The following NFIB variants were observed in gnomAD, a reference collection of about 807,000 sequenced individuals.
NFIB encodes nuclear factor I B.
Under a neutral mutation model 61.5 loss-of-function variants are expected in NFIB, and 11 were observed. The ratio of observed to expected loss-of-function variants is 0.18; its 90% CI spans 0.11 to 0.30. The LOEUF is 0.30. Ranked by LOEUF, NFIB falls within the 10% of genes least tolerant of loss-of-function variation. The probability of loss-of-function intolerance (pLI) is 1.00; values close to 1 mark genes in which losing one functional copy is unlikely to be tolerated. For synonymous variants in NFIB, 260 were observed against 216.5 expected, an observed-to-expected ratio of 1.20 and a Z score of -1.76; for missense variants, 471 against 608.9, an observed-to-expected ratio of 0.77 and a Z score of 2.38.
chr9:14,408,513 G>A, the NFIB span, among the ~76,000 whole-genome samples: 2 of 152,152 alleles, frequency 1.3e-5, no homozygotes, highest in African/African-American at 4.8e-5. Context: ...CAGAAAAAAA[G>A]GGGACAAAGG....
chr9:14,491,534 C>T, the NFIB span, among the ~76,000 whole-genome samples: 1 of 152,172 alleles, frequency 6.6e-6, no homozygotes, highest in Admixed American at 6.5e-5. Flanking sequence ...ATGGGCCTGA[C>T]CTGAAGCAGC....
intron 2 of NFIB, among the ~76,000 whole-genome samples, chr9:14,306,658 C>T (rs1350092086): frequency 1.3e-5 from 2 of 151,988 alleles, no homozygotes; most frequent in Non-Finnish European, 2.9e-5. Flanking sequence ...AAAATGTAGC[C>T]TACGACAGAA....
At chr9:14,320,573 TAGGA>T (rs2060637221) in intron 1 of NFIB, among the ~76,000 whole-genome samples, 1 of 152,222 alleles carries the variant, frequency 6.6e-6, no homozygotes, top group South Asian at 2.1e-4. Context: ...AGTTTTTACT[TAGGA>T]TGCTTAAAGG....
intron 5 of NFIB, among the ~76,000 whole-genome samples, chr9:14,149,815 T>C (rs1191018071): frequency 6.6e-6 from 1 of 152,196 alleles, no homozygotes; most frequent in Non-Finnish European, 1.5e-5. Context: ...CAGAGATCAT[T>C]GCCACAGCAA....
At chr9:14,152,101 C>T (rs538313665) in intron 4 of NFIB, among the ~76,000 whole-genome samples, 13 of 152,078 alleles carry the variant, frequency 8.5e-5, no homozygotes, top group South Asian at 6.2e-4. Flanking sequence ...GAAGTAACCA[C>T]GGAATACACA....
rs1319042887 is a variant in NFIB, at chr9:14,084,499, T to C, written c.*3810A>G. 8.9e-6 allele frequency: 2 copies of C among 225,158 alleles called. No homozygotes were observed. Among genetic ancestry groups the C allele is most frequent in the Non-Finnish European group, 1.8e-5 (2 of 112,800 alleles). The allele number at this position is 225,158 out of a possible 1,614,324, so 13.9% of individuals were successfully genotyped here. ...ATTTTTGCCATGTCTTTATGTACAG[T>C]CTCCTTCACTGCCTTTTATTTTTTT... On this transcript the variant is annotated 3_prime_UTR_variant, in exon 11 of 11. Coordinates refer to ENST00000380953, the MANE Select transcript of NFIB (RefSeq NM_001190737.2).
chr9:14,502,672 G>A, the NFIB span, among the ~76,000 whole-genome samples: 1 of 152,040 alleles, frequency 6.6e-6, no homozygotes, highest in Non-Finnish European at 1.5e-5. Flanking sequence ...TTGCTGGTAA[G>A]GAATCCCTAT....
chr9:14,273,243 C>T (rs1183595246), intron 2 of NFIB, among the ~76,000 whole-genome samples: 1 of 152,120 alleles, frequency 6.6e-6, no homozygotes, highest in Non-Finnish European at 1.5e-5. Context: ...AGAAACTCAG[C>T]TTCTCTGTGT....
At position 14,087,289 on chromosome 9, in the gene NFIB, C is replaced by T. The variant is rs972362702; in HGVS notation, c.*1020G>A. The stretch of plus-strand genomic sequence containing the variant: ...GCACATGATTTGTCTTGATTTAATG[C>T]CTTTTTAATGCCCTCAAAAACTGAG... On this transcript the variant is annotated 3_prime_UTR_variant, in exon 11 of 11. Transcript: ENST00000380953. 1 of 204,558 alleles carries T rather than the reference C, an allele frequency of 4.9e-6. No individual in the cohort carries two copies. Among genetic ancestry groups the T allele is most frequent in the African/African-American group, 2.3e-5 (1 of 43,620 alleles). 12.7% of individuals were successfully genotyped at this position (204,558 alleles called of 1,614,324 possible). A position where few individuals can be genotyped will look rare whatever the true frequency, so the allele number is the denominator to read the frequency against.
chr9:14,249,760 G>A (rs972131439), intron 2 of NFIB, among the ~76,000 whole-genome samples: 3 of 152,028 alleles, frequency 2.0e-5, no homozygotes, highest in African/African-American at 7.3e-5. Flanking sequence ...GCAGAAGAGA[G>A]AATGGAAAAG....
At chr9:14,436,244 G>A in the NFIB span, among the ~76,000 whole-genome samples, 2 of 152,216 alleles carry the variant, frequency 1.3e-5, no homozygotes, top group Admixed American at 1.3e-4. Flanking sequence ...AAAAGTCCCA[G>A]GCAGTGCATC....
the NFIB span, among the ~76,000 whole-genome samples, chr9:14,508,324 T>A: frequency 2.1e-3 from 322 of 152,244 alleles, 1 homozygote; most frequent in African/African-American, 7.5e-3. Context: ...GATGAGATGA[T>A]CTGCCTAGAT....
At chr9:14,155,981 C>G (rs1371147257) in intron 3 of NFIB, 88 bp from the exon 4 acceptor site, 1 of 775,762 alleles carries the variant, frequency 1.3e-6, no homozygotes, top group Non-Finnish European at 2.0e-6. Context: ...GTTTTAAAGC[C>G]AATGGTTTGA....
chr9:14,308,376 G>C (rs944496170), intron 1 of NFIB, among the ~76,000 whole-genome samples: 4 of 151,984 alleles, frequency 2.6e-5, no homozygotes, highest in African/African-American at 9.7e-5. Context: ...ACACACTCTT[G>C]CATTTTTAAA....
At chr9:14,282,683 A>C (rs2058450895) in intron 2 of NFIB, among the ~76,000 whole-genome samples, 1 of 152,184 alleles carries the variant, frequency 6.6e-6, no homozygotes, top group Non-Finnish European at 1.5e-5. Flanking sequence ...AGGCAAGAGT[A>C]GTTGTCCTTT....
intron 1 of NFIB, among the ~76,000 whole-genome samples, chr9:14,343,454 C>T (rs918724374): frequency 6.6e-6 from 1 of 152,048 alleles, no homozygotes; most frequent in Non-Finnish European, 1.5e-5. Flanking sequence ...GTAGCAGACA[C>T]AGATGCTTCA....
At chr9:14,112,239 A>G (rs1186357205) in intron 10 of NFIB, among the ~76,000 whole-genome samples, 2 of 152,228 alleles carry the variant, frequency 1.3e-5, no homozygotes, top group East Asian at 3.8e-4. Context: ...GGAACTGTTT[A>G]GAATTACGTC....
the NFIB span, among the ~76,000 whole-genome samples, chr9:14,479,371 G>C: frequency 6.6e-6 from 1 of 152,108 alleles, no homozygotes; most frequent in African/African-American, 2.4e-5. Flanking sequence ...AACTTCTTCG[G>C]AGAAACAGCT....
At chr9:14,225,053 C>A (rs2052193461) in intron 2 of NFIB, among the ~76,000 whole-genome samples, 2 of 152,214 alleles carry the variant, frequency 1.3e-5, no homozygotes, top group South Asian at 4.1e-4. Context: ...CAACTCTGTA[C>A]CCTCTGACCA....
Sources: allele counts gnomAD v4.1 joint callset (sites outside exome capture counted in the v4.1 genomes callset), GRCh38; gene constraint gnomAD v4.1.1; transcripts MANE v1.5; gene names NCBI Gene and HGNC (gene_info 2026-07-23, HGNC 2026-07-21).